Variants in BEAN1 observed in about 807,000 individuals in gnomAD.
BEAN1 encodes protein BEAN1.
A neutral mutation model predicts 17.7 loss-of-function variants in BEAN1; 17 were observed. That is an observed-to-expected ratio of 0.96 (90% CI 0.66 to 1.44). The LOEUF is 1.44. BEAN1 is among the 40% of genes most tolerant of loss of function. The pLI, the probability that BEAN1 is intolerant of heterozygous loss-of-function variation, is 0.00. For missense variants in BEAN1, 359 were observed against 374.1 expected, an observed-to-expected ratio of 0.96 and a Z score of 0.33; for synonymous variants, 142 against 151.8, an observed-to-expected ratio of 0.94 and a Z score of 0.47.
In BEAN1 at chr16:66,473,213, G is replaced by A. The variant is rs958491611; in HGVS notation, c.289+3348G>A. ...CCCCTCTGTAGCCTGTGGTGGCCTC[G>A]GGACTGGTGCCAATGAATGAGGCCT... On this transcript the variant is annotated intron_variant, in intron 3 of 4. Transcript: ENST00000536005. This position sits in a 1 kb window ranked among gnomAD's most constrained non-coding sequence, Gnocchi z 4.5. 1.3e-5 allele frequency among the ~76,000 whole-genome samples: 2 copies of A among 152,122 alleles called. No homozygotes were observed. The highest frequency in any genetic ancestry group is 3.9e-4 in the East Asian group (2 of 5,178).
chr16:66,484,949 G>T (rs952587595), downstream of BEAN1: 2 of 454,038 alleles, frequency 4.4e-6, no homozygotes, highest in African/African-American at 2.0e-5. The surrounding 1 kb of genome is among the most constrained non-coding windows in gnomAD (Gnocchi z 4.2). Flanking sequence ...CTTCAGGGGA[G>T]TCACCGTGCT....
intron 3 of BEAN1, among the ~76,000 whole-genome samples, 198 bp from the exon 4 acceptor site, chr16:66,477,362 G>A (rs1298644600): frequency 6.6e-6 from 1 of 152,160 alleles, no homozygotes; most frequent in African/African-American, 2.4e-5. Context: ...CTTCCTCTCT[G>A]TATCCCCATG....
intron 2 of BEAN1, among the ~76,000 whole-genome samples, chr16:66,453,599 C>T (rs986381356): frequency 3.3e-5 from 5 of 152,138 alleles, no homozygotes; most frequent in African/African-American, 9.7e-5. Context: ...TGGGCTAAGG[C>T]AATCCTCCCA....
At chr16:66,448,763 C>T (rs1596998376) in intron 2 of BEAN1, among the ~76,000 whole-genome samples, 3 of 152,252 alleles carry the variant, frequency 2.0e-5, no homozygotes. Context: ...GCAGAGGTTG[C>T]GGTGAGCCGA....
intron 2 of BEAN1, among the ~76,000 whole-genome samples, chr16:66,444,726 G>C (rs1182047026): frequency 6.6e-6 from 1 of 152,158 alleles, no homozygotes; most frequent in Non-Finnish European, 1.5e-5. Context: ...AGTTCCCCCA[G>C]GTGTAAAATG....
At chr16:66,476,765 A>T (rs948137810) in intron 3 of BEAN1, among the ~76,000 whole-genome samples, 1 of 152,208 alleles carries the variant, frequency 6.6e-6, no homozygotes, top group Non-Finnish European at 1.5e-5. Flanking sequence ...TTTCCTAAAC[A>T]GTGTTACTAG....
chr16:66,430,018 T>C (rs544664817), intron 1 of BEAN1, among the ~76,000 whole-genome samples: 2 of 152,304 alleles, frequency 1.3e-5, no homozygotes, highest in East Asian at 3.9e-4. Flanking sequence ...CAGGAGGGCT[T>C]CTGCAGTCCA....
chr16:66,469,902 T>A (rs1963410407), intron 3 of BEAN1, 37 bp downstream of exon 3: 1 of 1,522,766 alleles, frequency 6.6e-7, no homozygotes. Context: ...TGGGACCTCA[T>A]CTGACTGGGA....
At chr16:66,493,502 G>T in exon 5 of BEAN1, 1 of 599,984 alleles carries the variant, frequency 1.7e-6, no homozygotes, top group South Asian at 2.0e-5. Flanking sequence ...TTGCTTCAGT[G>T]ACCCTGTCTT....
At chr16:66,461,052 A>G (rs984603786) in intron 2 of BEAN1, among the ~76,000 whole-genome samples, 1 of 152,082 alleles carries the variant, frequency 6.6e-6, no homozygotes, top group Admixed American at 6.5e-5. Flanking sequence ...GGTATCTCAG[A>G]GAAGAGCCTA....
In BEAN1 at chr16:66,462,573, G is replaced by A. The variant is rs147103403; in HGVS notation, c.26-7029G>A. 1.8e-4 allele frequency among the ~76,000 whole-genome samples: 27 copies of A among 152,300 alleles called. No individual in the cohort carries two copies. In the South Asian group the frequency reaches 5.0e-3, roughly 28 times the overall value. ...TCCCAGCACTTTGGGAGGCCGAGGC[G>A]GGTGGATCACCTGAGGTCAGGAGTT... On this transcript the variant is annotated intron_variant, in intron 2 of 4. Transcript: ENST00000536005.
chr16:66,491,506 G>A (rs1367473418), intron 4 of BEAN1, among the ~76,000 whole-genome samples: 7 of 152,258 alleles, frequency 4.6e-5, no homozygotes, highest in Admixed American at 2.0e-4. Flanking sequence ...AGAAATTGAG[G>A]GCTAAAGAGA....
At chr16:66,490,571 G>T (rs1341562932) in intron 4 of BEAN1, among the ~76,000 whole-genome samples, 3 of 152,056 alleles carry the variant, frequency 2.0e-5, no homozygotes, top group Non-Finnish European at 2.9e-5. Flanking sequence ...TTTCTATCCA[G>T]TAACTCTCAC....
At chr16:66,452,882 A>G (rs1023256295) in intron 2 of BEAN1, among the ~76,000 whole-genome samples, 4 of 152,078 alleles carry the variant, frequency 2.6e-5, no homozygotes, top group Non-Finnish European at 4.4e-5. Context: ...TCCCTGGTCT[A>G]TGGAGTCAGA....
At chr16:66,437,754 C>G in intron 2 of BEAN1, 53 bp downstream of exon 2, 1 of 1,505,628 alleles carries the variant, frequency 6.6e-7, no homozygotes, top group Non-Finnish European at 8.9e-7. Context: ...AAGGGCAGAG[C>G]TTGGAGTCGA....
chr16:66,442,466 GGTA>G (rs768343488), intron 2 of BEAN1, among the ~76,000 whole-genome samples: 3 of 152,186 alleles, frequency 2.0e-5, no homozygotes, highest in Non-Finnish European at 4.4e-5. Context: ...AAGGGTGGGA[GGTA>G]GCATCTGATC....
downstream of BEAN1, among the ~76,000 whole-genome samples, chr16:66,494,208 A>T (rs541666595): frequency 6.6e-6 from 1 of 152,284 alleles, no homozygotes; most frequent in African/African-American, 2.4e-5. Context: ...TAGACCTGGG[A>T]TCACAGCACA....
Position 66,473,406 on chromosome 16 carries a change from C to T in BEAN1, c.289+3541C>T, listed in dbSNP as rs937456083. Among the ~76,000 whole-genome samples, 2 of 152,166 alleles carry T rather than the reference C, an allele frequency of 1.3e-5. No individual in the cohort carries two copies. The highest frequency in any genetic ancestry group is 2.4e-5 in the African/African-American group (1 of 41,450). On this transcript the variant is annotated intron_variant, in intron 3 of 4. Coordinates refer to ENST00000536005, the MANE Select transcript of BEAN1 (RefSeq NM_001178020.3). The surrounding 1 kb of genome is among the most constrained non-coding windows in gnomAD (Gnocchi z 4.5). ...ACAGCTTTGACACCTCCTGGGGCCT[C>T]GGCAGGGAACCCAGAGGTGCTGTTG...
chr16:66,484,974 C>T (rs572218418), downstream of BEAN1: 40 of 454,002 alleles, frequency 8.8e-5, no homozygotes, highest in Non-Finnish European at 1.4e-4. This position sits in a 1 kb window ranked among gnomAD's most constrained non-coding sequence, Gnocchi z 4.2. Flanking sequence ...ATGACGCCAT[C>T]GTGATAGTCC....
Sources: allele counts gnomAD v4.1 joint callset (sites outside exome capture counted in the v4.1 genomes callset), GRCh38; gene constraint gnomAD v4.1.1; non-coding constraint Gnocchi (gnomAD v3.1); transcripts MANE v1.5; gene names NCBI Gene and HGNC (gene_info 2026-07-23, HGNC 2026-07-21).